Variants in SYT1 observed in about 807,000 individuals in gnomAD.
The protein encoded by SYT1 is synaptotagmin 1, also known as synaptotagmin-1.
In SYT1, 8 loss-of-function variants were observed where a neutral mutation model predicts 44.8. The ratio of observed to expected loss-of-function variants is 0.18; its 90% CI spans 0.10 to 0.32. The LOEUF is 0.32. Among genes scored for constraint, SYT1 ranks in the 10% least tolerant of loss-of-function variants. SYT1 has a pLI of 1.00. For missense variants in SYT1, 286 were observed against 509.3 expected (o/e 0.56, Z 4.22); for synonymous variants, 154 against 188.8 (o/e 0.82, Z 1.51).
At chr12:79,091,342 A>ATC (rs1877761952) in intron 3 of SYT1, among the ~76,000 whole-genome samples, 1 of 152,028 alleles carries the variant, frequency 6.6e-6, no homozygotes, top group Non-Finnish European at 1.5e-5. Flanking sequence ...TCCCACAGTT[A>ATC]AGTCTCTACA....
At chr12:79,221,887 C>T (rs1374916624) in intron 4 of SYT1, among the ~76,000 whole-genome samples, 1 of 151,994 alleles carries the variant, frequency 6.6e-6, no homozygotes, top group African/African-American at 2.4e-5. Flanking sequence ...TTACTTTTAC[C>T]AGCAAATTTT....
chr12:79,080,654 A>G (rs570525516), intron 3 of SYT1, among the ~76,000 whole-genome samples: 89 of 152,280 alleles, frequency 5.8e-4, no homozygotes, highest in African/African-American at 2.0e-3. Context: ...AATTGATGAG[A>G]ATGTACTGGC....
In SYT1 at chr12:79,084,199, C is replaced by T. The variant is rs186970937; in HGVS notation, c.-18+36837C>T. On this transcript the variant is annotated intron_variant, in intron 3 of 10. Transcript: ENST00000261205. ...CTTCACAGTACTGTGATGCAATGTA[C>T]TAATATTGCCTATATAAAACAATTG... Among the ~76,000 whole-genome samples, 478 of 152,168 alleles carry T rather than the reference C, an allele frequency of 3.1e-3. 1 individual carries two copies. The highest frequency in any genetic ancestry group is 0.01 in the Middle Eastern group (3 of 294).
intron 8 of SYT1, among the ~76,000 whole-genome samples, chr12:79,315,729 T>C (rs958816019): frequency 1.3e-5 from 2 of 152,192 alleles, no homozygotes; most frequent in African/African-American, 4.8e-5. Context: ...TTTCTATTGA[T>C]ATAAGGGCAG....
intron 1 of SYT1, among the ~76,000 whole-genome samples, chr12:78,931,331 GGGAGGGAAGGAAGGAAGGAA>G (rs1233090549): frequency 4.2e-4 from 10 of 23,736 alleles, no homozygotes; most frequent in African/African-American, 1.3e-3. Context: ...GAGGGAGGGA[GGGAGGGAAGGAAGGAAGGAA>G]GGAAGGAAGG....
intron 2 of SYT1, among the ~76,000 whole-genome samples, chr12:78,992,445 T>C (rs1240648996): frequency 3.9e-5 from 6 of 152,206 alleles, no homozygotes; most frequent in Admixed American, 1.3e-4. Flanking sequence ...TGGCTTGTGA[T>C]TGGCATTTGA....
intron 4 of SYT1, among the ~76,000 whole-genome samples, chr12:79,259,378 T>C (rs960967996): frequency 6.6e-6 from 1 of 152,216 alleles, no homozygotes; most frequent in South Asian, 2.1e-4. Flanking sequence ...ATTCTGAATT[T>C]AAAACTGTCT....
At chr12:79,055,582 G>GTT (rs1478489548) in intron 3 of SYT1, among the ~76,000 whole-genome samples, 1 of 151,932 alleles carries the variant, frequency 6.6e-6, no homozygotes, top group African/African-American at 2.4e-5. Flanking sequence ...ATAAAAAACT[G>GTT]TATTCAAGTG....
chr12:79,398,907 C>T (rs568376464), intron 9 of SYT1, among the ~76,000 whole-genome samples: 4 of 152,226 alleles, frequency 2.6e-5, no homozygotes, highest in African/African-American at 2.4e-5. Context: ...TGCCATGGCC[C>T]TTGTAGCTGA....
intron 3 of SYT1, among the ~76,000 whole-genome samples, chr12:79,145,827 G>A (rs919689238): frequency 3.3e-5 from 5 of 150,882 alleles, no homozygotes; most frequent in Non-Finnish European, 5.9e-5. Context: ...GCGGGATCTC[G>A]GCTCACTGCA....
chr12:79,058,111 G>A (rs920142887), intron 3 of SYT1, among the ~76,000 whole-genome samples: 4 of 151,904 alleles, frequency 2.6e-5, no homozygotes, highest in African/African-American at 7.2e-5. Context: ...AGCCAGATTT[G>A]TCATTAAATG....
chr12:79,307,597 G>A (rs1880461084), intron 8 of SYT1, among the ~76,000 whole-genome samples: 2 of 151,014 alleles, frequency 1.3e-5, no homozygotes, highest in African/African-American at 2.4e-5. Context: ...GGGCGAGCCC[G>A]GGGATGGTCG....
At chr12:78,916,414 A>G (rs537129889) in intron 1 of SYT1, among the ~76,000 whole-genome samples, 16 of 152,172 alleles carry the variant, frequency 1.1e-4, no homozygotes, top group Non-Finnish European at 2.1e-4. Flanking sequence ...GAGAGCTCAG[A>G]TTTGGTTACT....
At position 78,880,380 on chromosome 12, in the gene SYT1, T is replaced by G. The variant is rs76867239; in HGVS notation, c.-217+15271T>G. ...TGACCAGTCTTGTAGTACATTTATA[T>G]CTCCTCCCACTTCCCTAACATCTTT... On this transcript the variant is annotated intron_variant, in intron 1 of 10. Transcript: ENST00000261205. Among the ~76,000 whole-genome samples the G allele has an allele frequency of 5.1e-3, 776 of 151,790 alleles. 11 individuals are homozygous for G. The highest frequency in any genetic ancestry group is 0.017 in the African/African-American group (718 of 41,480).
At chr12:78,962,278 G>A (rs946541982) in intron 1 of SYT1, among the ~76,000 whole-genome samples, 2 of 150,508 alleles carry the variant, frequency 1.3e-5, no homozygotes, top group Non-Finnish European at 2.9e-5. Context: ...TTAATACGAG[G>A]TAAAGTATTT....
intron 3 of SYT1, among the ~76,000 whole-genome samples, chr12:79,189,634 T>G (rs1872997747): frequency 6.6e-6 from 1 of 152,198 alleles, no homozygotes; most frequent in South Asian, 2.1e-4. Context: ...AAAAGCATGG[T>G]GACTCACACC....
intron 1 of SYT1, among the ~76,000 whole-genome samples, chr12:78,975,458 T>C (rs1176747705): frequency 3.9e-5 from 6 of 152,124 alleles, no homozygotes; most frequent in Non-Finnish European, 5.9e-5. Context: ...ATAAATTTCA[T>C]AAAAAATGTC....
chr12:79,311,933 G>A (rs1243318241), intron 8 of SYT1, among the ~76,000 whole-genome samples: 4 of 149,234 alleles, frequency 2.7e-5, no homozygotes, highest in Non-Finnish European at 5.9e-5. Context: ...ACGAGTTAAT[G>A]GGTGCAGCAC....
At chr12:79,192,369 C>T (rs1443084897) in intron 3 of SYT1, among the ~76,000 whole-genome samples, 3 of 152,070 alleles carry the variant, frequency 2.0e-5, no homozygotes, top group Non-Finnish European at 4.4e-5. Context: ...CCTGAATTGA[C>T]CTATGCAGAT....
Sources: allele counts gnomAD v4.1 joint callset (sites outside exome capture counted in the v4.1 genomes callset), GRCh38; gene constraint gnomAD v4.1.1; transcripts MANE v1.5; gene names NCBI Gene and HGNC (gene_info 2026-07-23, HGNC 2026-07-21).